NCOA2: variants seen among roughly 807,000 people sequenced by gnomAD.
NCOA2 encodes class E basic helix-loop-helix protein 75.
A neutral mutation model predicts 145.1 loss-of-function variants in NCOA2; 21 were observed. The observed-to-expected ratio is 0.14, with a 90% CI of 0.10 to 0.21. The LOEUF is 0.21. Among genes scored for constraint, NCOA2 ranks in the 10% least tolerant of loss-of-function variants. NCOA2 has a pLI of 1.00. For synonymous variants in NCOA2, 619 were observed against 637.5 expected, an observed-to-expected ratio of 0.97 and a Z score of 0.44; for missense variants, 1,472 against 1,837.6, an observed-to-expected ratio of 0.80 and a Z score of 3.64.
chr8:70,375,903 A>G (rs1811623018), intron 1 of NCOA2, among the ~76,000 whole-genome samples: 2 of 152,190 alleles, frequency 1.3e-5, no homozygotes, highest in African/African-American at 4.8e-5. Context: ...TCCTACTAAT[A>G]CCCATTTGCT....
chr8:70,253,765 A>G (rs1201102979), intron 2 of NCOA2, among the ~76,000 whole-genome samples: 1 of 152,188 alleles, frequency 6.6e-6, no homozygotes, highest in East Asian at 1.9e-4. Context: ...TGATTACAAG[A>G]TCTAAATGTA....
the NCOA2 span, chr8:70,424,659 G>A: frequency 3.2e-6 from 1 of 311,772 alleles, no homozygotes; most frequent in African/African-American, 2.2e-5. Context: ...GAATATTTTA[G>A]CCTTTGTGAA....
At chr8:70,215,000 C>T (rs1441106228) in intron 3 of NCOA2, among the ~76,000 whole-genome samples, 1 of 152,040 alleles carries the variant, frequency 6.6e-6, no homozygotes, top group Non-Finnish European at 1.5e-5. Flanking sequence ...ATATGCATCT[C>T]TAAATATGTT....
intron 1 of NCOA2, among the ~76,000 whole-genome samples, chr8:70,383,184 G>A (rs1404458283): frequency 2.6e-5 from 4 of 152,128 alleles, no homozygotes; most frequent in Admixed American, 1.3e-4. Context: ...AAGAAGCTGG[G>A]ATATGAAGGC....
chr8:70,159,222 T>TATATATATATATGTATGTG (rs1812619153), intron 10 of NCOA2, among the ~76,000 whole-genome samples: 76 of 44,482 alleles, frequency 1.7e-3, no homozygotes, highest in African/African-American at 4.8e-3. Context: ...CAGTATAACA[T>TATATATATATATGTATGTG]TATATATATA....
chr8:70,304,807 A>G (rs1305754707), intron 1 of NCOA2, among the ~76,000 whole-genome samples: 3 of 150,538 alleles, frequency 2.0e-5, no homozygotes, highest in East Asian at 2.0e-4. Context: ...TATATGCATA[A>G]TATCTTAAGA....
intron 1 of NCOA2, among the ~76,000 whole-genome samples, chr8:70,391,830 G>C (rs1391473440): frequency 6.6e-6 from 1 of 152,196 alleles, no homozygotes; most frequent in South Asian, 2.1e-4. Context: ...TTTGGGGACA[G>C]CTTGAAAAAC....
At chr8:70,336,292 G>T (rs1807581181) in intron 1 of NCOA2, among the ~76,000 whole-genome samples, 1 of 152,120 alleles carries the variant, frequency 6.6e-6, no homozygotes, top group Non-Finnish European at 1.5e-5. Flanking sequence ...TATATGATCT[G>T]TCGCTGACTG....
chr8:70,307,614 C>G (rs1017733479), intron 1 of NCOA2, among the ~76,000 whole-genome samples: 2 of 152,148 alleles, frequency 1.3e-5, no homozygotes, highest in Admixed American at 1.3e-4. Flanking sequence ...TGCTTACATT[C>G]GTGTTAAAGA....
chr8:70,205,431 C>T (rs1304834118), intron 4 of NCOA2, among the ~76,000 whole-genome samples: 5 of 152,068 alleles, frequency 3.3e-5, no homozygotes, highest in Non-Finnish European at 7.4e-5. Flanking sequence ...CACAAGAATA[C>T]AGTAGTAGGC....
intron 1 of NCOA2, among the ~76,000 whole-genome samples, chr8:70,364,328 A>T (rs981555624): frequency 6.6e-6 from 1 of 152,240 alleles, no homozygotes; most frequent in Non-Finnish European, 1.5e-5. Context: ...AGTGGAGAAA[A>T]GGAAGAAAAG....
intron 1 of NCOA2, among the ~76,000 whole-genome samples, chr8:70,396,967 G>A (rs889889045): frequency 6.6e-6 from 1 of 152,148 alleles, no homozygotes; most frequent in Non-Finnish European, 1.5e-5. Flanking sequence ...TTGCTCACAG[G>A]CACAGGACTT....
chr8:70,134,475 C>T (rs1426363272), intron 15 of NCOA2, among the ~76,000 whole-genome samples: 2 of 152,218 alleles, frequency 1.3e-5, no homozygotes, highest in Admixed American at 6.5e-5. Flanking sequence ...TCATTTTCAA[C>T]TTGTTTCTTT....
the NCOA2 span, among the ~76,000 whole-genome samples, chr8:70,435,424 CAAAAAAAAAAAAAAA>C: frequency 2.5e-4 from 5 of 20,154 alleles, 1 homozygote; most frequent in East Asian, 9.1e-3. Flanking sequence ...GACTCCGTCT[CAAAAAAAAAAAAAAA>C]AAAAAAAAAA....
intron 2 of NCOA2, 120 bp downstream of exon 2, chr8:70,296,622 TAC>T (rs1827109321): frequency 1.3e-5 from 2 of 152,162 alleles, no homozygotes; most frequent in African/African-American, 4.8e-5. Context: ...TAGACAAATA[TAC>T]AGTTTATTGT....
At chr8:70,247,667 C>T (rs530391223) in intron 2 of NCOA2, among the ~76,000 whole-genome samples, 3 of 152,330 alleles carry the variant, frequency 2.0e-5, no homozygotes, top group Admixed American at 6.5e-5. Flanking sequence ...AAACCTTTGG[C>T]AATCTTATAG....
At chr8:70,437,666 C>G in the NCOA2 span, among the ~76,000 whole-genome samples, 1 of 152,128 alleles carries the variant, frequency 6.6e-6, no homozygotes, top group Non-Finnish European at 1.5e-5. Flanking sequence ...AGTTTTTCTC[C>G]TATATATTTT....
At chr8:70,113,789 T>A in intron 22 of NCOA2, 146 bp from the exon 23 acceptor site, 1 of 790,834 alleles carries the variant, frequency 1.3e-6, no homozygotes, top group Non-Finnish European at 2.1e-6. Context: ...ACATTCGATG[T>A]GGAGGTGAAC....
At chr8:70,441,227 GA>G in the NCOA2 span, among the ~76,000 whole-genome samples, 2 of 135,884 alleles carry the variant, frequency 1.5e-5, no homozygotes, top group East Asian at 2.2e-4. Flanking sequence ...AAAGGAAGAA[GA>G]AAGAAAGAAA....
Sources: gnomAD v4.1 joint callset for allele counts (sites outside exome capture counted in the v4.1 genomes callset) on GRCh38, gnomAD v4.1.1 for gene constraint, MANE v1.5 for transcripts, NCBI Gene and HGNC (gene_info 2026-07-23, HGNC 2026-07-21) for gene names.